Variants in LRRC1 observed in about 807,000 individuals in gnomAD.
LRRC1 encodes leucine-rich repeat-containing protein 1.
A neutral mutation model predicts 69.9 loss-of-function variants in LRRC1; 28 were observed. The ratio of observed to expected loss-of-function variants is 0.40; its 90% CI spans 0.30 to 0.55. LRRC1 has a LOEUF of 0.55. Ranked by LOEUF, LRRC1 falls within the 20% of genes least tolerant of loss-of-function variation. LRRC1 has a pLI of 0.47. For synonymous variants in LRRC1, 236 were observed against 240.2 expected, an observed-to-expected ratio of 0.98 and a Z score of 0.16; for missense variants, 498 against 609.0, an observed-to-expected ratio of 0.82 and a Z score of 1.92.
chr6:53,920,964 T>G (rs1768722678), intron 13 of LRRC1, among the ~76,000 whole-genome samples: 1 of 152,024 alleles, frequency 6.6e-6, no homozygotes, highest in Admixed American at 6.6e-5. Context: ...CTCATGGGTT[T>G]TTTTTTTTCT....
chr6:53,805,479 A>G (rs989273188), intron 1 of LRRC1, among the ~76,000 whole-genome samples: 9 of 152,142 alleles, frequency 5.9e-5, no homozygotes, highest in African/African-American at 1.9e-4. Flanking sequence ...CCCCCACCTC[A>G]GTCTCTTCTA....
intron 1 of LRRC1, among the ~76,000 whole-genome samples, chr6:53,814,825 T>C (rs1010099721): frequency 6.6e-6 from 1 of 152,188 alleles, no homozygotes; most frequent in Non-Finnish European, 1.5e-5. Flanking sequence ...TCTGGGCCCT[T>C]TGAGCTCTGG....
Position 53,806,168 on chromosome 6 carries a change from T to C in LRRC1, c.159+10753T>C, listed in dbSNP as rs117304056. 7.2e-4 allele frequency among the ~76,000 whole-genome samples: 109 copies of C among 152,346 alleles called. 1 individual carries two copies. The East Asian group carries it at 0.014, about 19-fold the overall frequency. Reference sequence around the variant, plus strand: ...TGGTCTCTGGAGACACTTCTGACTTTATCGTTGCATTTTTATAATTATCTC... The same window carrying C: ...TGGTCTCTGGAGACACTTCTGACTTCATCGTTGCATTTTTATAATTATCTC... On this transcript the variant is annotated intron_variant, in intron 1 of 13. Transcript: ENST00000370888.
chr6:53,809,600 T>C (rs1049577813), intron 1 of LRRC1, among the ~76,000 whole-genome samples: 8 of 152,252 alleles, frequency 5.3e-5, no homozygotes, highest in African/African-American at 1.9e-4. Context: ...AGAAGATATT[T>C]ACTTGTGTAC....
intron 2 of LRRC1, among the ~76,000 whole-genome samples, chr6:53,863,843 C>T (rs780736982): frequency 3.1e-4 from 47 of 152,100 alleles, no homozygotes; most frequent in Non-Finnish European, 6.0e-4. Context: ...GATTTCAACC[C>T]ACTAGTCAGG....
intron 10 of LRRC1, chr6:53,905,475 T>C (rs933643022): frequency 6.6e-6 from 1 of 152,202 alleles, no homozygotes; most frequent in Admixed American, 6.5e-5. Flanking sequence ...TAGCTGTTGA[T>C]GAGCCTTCTC....
chr6:53,919,477 T>TTA (rs371290750), intron 11 of LRRC1, 21 bp from the exon 12 acceptor site: 99,352 of 1,203,926 alleles, frequency 0.083, 1,000 homozygotes, highest in South Asian at 0.11. Context: ...TCTCTTTTTT[T>TTA]AAAAAAAAAA....
intron 1 of LRRC1, among the ~76,000 whole-genome samples, chr6:53,812,922 C>T (rs13197492): frequency 0.63 from 94,621 of 151,236 alleles, 29,911 homozygotes; most frequent in East Asian, 0.9. Context: ...TTGGTGGTGC[C>T]AGGCTTCTGA....
rs1326154062 is a variant in LRRC1 at position 53,924,118 on chromosome 6, T to A, written c.*1325T>A. ...CAAGAAATAAATTCATCCTGGACAT[T>A]GGCCATACAGCTTTTTAAAATTATT... is the stretch of plus-strand genomic sequence containing the variant. On this transcript the variant is annotated 3_prime_UTR_variant, in exon 14 of 14. Coordinates refer to ENST00000370888, the MANE Select transcript of LRRC1 (RefSeq NM_018214.5). 6.5e-6 allele frequency: 1 copy of A among 152,678 alleles called. No individual in the cohort carries two copies. Among genetic ancestry groups the A allele is most frequent in the Non-Finnish European group, 1.5e-5 (1 of 68,050 alleles). The allele number at this position is 152,678 out of a possible 1,614,324, so 9.5% of individuals were successfully genotyped here. A position where few individuals can be genotyped will look rare whatever the true frequency, so the allele number is the denominator to read the frequency against.
intron 1 of LRRC1, among the ~76,000 whole-genome samples, chr6:53,806,479 C>T (rs958238223): frequency 6.6e-6 from 1 of 152,148 alleles, no homozygotes; most frequent in African/African-American, 2.4e-5. Flanking sequence ...GGTGTCAGCG[C>T]TGGGTTCTTG....
chr6:53,849,068 T>C (rs1435624907), intron 2 of LRRC1, among the ~76,000 whole-genome samples: 1 of 150,652 alleles, frequency 6.6e-6, no homozygotes, highest in Non-Finnish European at 1.5e-5. Flanking sequence ...ATGCTTTTTT[T>C]TTTTTTTTTT....
At chr6:53,915,860 C>A (rs368356601) in intron 11 of LRRC1, among the ~76,000 whole-genome samples, 9 of 152,244 alleles carry the variant, frequency 5.9e-5, no homozygotes, top group African/African-American at 2.2e-4. Context: ...AGTATAGAAA[C>A]TAATCTTTTA....
In LRRC1 at chr6:53,878,860, T is replaced by G; in HGVS notation, c.278-133T>G. 3 of 554,270 alleles carry G rather than the reference T, an allele frequency of 5.4e-6. No individual in the cohort carries two copies. In the South Asian group the frequency reaches 7.4e-5, roughly 14 times the overall value. 34.3% of individuals were successfully genotyped at this position (554,270 alleles called of 1,614,324 possible). Reference sequence around the variant, plus strand: ...AGCAAATATAAATATATTAAAATACTTTATAAGTCTAGGTCATGTTTGAAT... The same window carrying G: ...AGCAAATATAAATATATTAAAATACGTTATAAGTCTAGGTCATGTTTGAAT... On this transcript the variant is annotated intron_variant, in intron 2 of 13. Transcript: ENST00000370888.
chr6:53,844,539 C>T lies in LRRC1; in HGVS notation c.277+2312C>T, dbSNP rs928793764. Among the ~76,000 whole-genome samples the T allele has an allele frequency of 8.5e-5, 13 of 152,284 alleles. No homozygotes were observed. In the South Asian group the frequency reaches 1.7e-3, roughly 19 times the overall value. On this transcript the variant is annotated intron_variant, in intron 2 of 13. Coordinates refer to ENST00000370888, the MANE Select transcript of LRRC1 (RefSeq NM_018214.5). ...GAAAGAAGGGCTCCATGCATCTTCC[C>T]GTGTGTCCCCTTACCTTCCAGCACG...
chr6:53,919,229 CTTTTTTTTTTT>C lies in LRRC1; in HGVS notation c.1107-253_1107-243del, dbSNP rs879406589. ...AAATGTGTCCTGTAATTTTCTCTCT[CTTTTTTTTTTT>C]TTTTTTTTTTTTTTTGCTCTGTAAT... On this transcript the variant is annotated intron_variant, in intron 11 of 13. Transcript: ENST00000370888. 7.9e-4 allele frequency: 57 copies of C among 72,282 alleles called. No homozygotes were observed. In the East Asian group the frequency reaches 9.3e-3, roughly 12 times the overall value. 4.5% of individuals were successfully genotyped at this position (72,282 alleles called of 1,614,324 possible). A position where few individuals can be genotyped will look rare whatever the true frequency, so the allele number is the denominator to read the frequency against.
intron 1 of LRRC1, among the ~76,000 whole-genome samples, chr6:53,817,118 G>A (rs1006469427): frequency 1.3e-5 from 2 of 152,006 alleles, no homozygotes; most frequent in Non-Finnish European, 2.9e-5. Flanking sequence ...ATTTCAATCC[G>A]AGACACTTGT....
At chr6:53,881,647 A>T (rs1767294619) in intron 3 of LRRC1, among the ~76,000 whole-genome samples, 2 of 152,222 alleles carry the variant, frequency 1.3e-5, no homozygotes, top group African/African-American at 2.4e-5. Context: ...AATATCAAAC[A>T]TAATGTTATG....
chr6:53,831,084 T>C (rs2127412423), intron 1 of LRRC1, among the ~76,000 whole-genome samples: 1 of 151,832 alleles, frequency 6.6e-6, no homozygotes, highest in East Asian at 2.0e-4. Context: ...AATACCACAA[T>C]ATATGTTTTA....
chr6:53,887,447 A>G (rs1248081860), intron 4 of LRRC1, among the ~76,000 whole-genome samples: 1 of 151,868 alleles, frequency 6.6e-6, no homozygotes, highest in South Asian at 2.1e-4. Flanking sequence ...TTTCTGTGCG[A>G]TGAAGGGAGA....
Sources: gnomAD v4.1 joint callset for allele counts (sites outside exome capture counted in the v4.1 genomes callset) on GRCh38, gnomAD v4.1.1 for gene constraint, MANE v1.5 for transcripts, NCBI Gene and HGNC (gene_info 2026-07-23, HGNC 2026-07-21) for gene names.